Variants in LNP1 observed in about 807,000 individuals in gnomAD.
The protein encoded by LNP1 is leukemia NUP98 fusion partner 1.
In LNP1, 12 loss-of-function variants were observed where a neutral mutation model predicts 14.5. That is an observed-to-expected ratio of 0.83 (90% confidence interval 0.53 to 1.34). The LOEUF is 1.34. LNP1 is among the 40% of genes most tolerant of loss of function. LNP1 has a pLI of 0.00. For synonymous variants in LNP1, 75 were observed against 71.4 expected, an observed-to-expected ratio of 1.05 and a Z score of -0.26; for missense variants, 198 against 210.9, an observed-to-expected ratio of 0.94 and a Z score of 0.38.
chr3:100,444,462 A>G (rs561528785), intron 2 of LNP1, among the ~76,000 whole-genome samples: 55 of 152,340 alleles, frequency 3.6e-4, no homozygotes, highest in South Asian at 2.3e-3. Context: ...ATATTTGATA[A>G]TGCTTCCTGT....
At chr3:100,407,100 C>T (rs1706977348) in intron 1 of LNP1, among the ~76,000 whole-genome samples, 1 of 152,228 alleles carries the variant, frequency 6.6e-6, no homozygotes, top group Non-Finnish European at 1.5e-5. Context: ...GTGATTTACA[C>T]ACCCTCATTA....
At chr3:100,427,179 A>T (rs1327823565) in intron 1 of LNP1, among the ~76,000 whole-genome samples, 1 of 151,882 alleles carries the variant, frequency 6.6e-6, no homozygotes, top group Non-Finnish European at 1.5e-5. Flanking sequence ...AAACGTTAAA[A>T]GTTTGCATTG....
intron 1 of LNP1, among the ~76,000 whole-genome samples, chr3:100,413,662 C>T (rs905458011): frequency 1.3e-5 from 2 of 152,198 alleles, no homozygotes; most frequent in Non-Finnish European, 2.9e-5. Flanking sequence ...AGATTATGCT[C>T]ATGGTGCCCT....
intron 2 of LNP1, among the ~76,000 whole-genome samples, chr3:100,433,156 G>A (rs748194832): frequency 5.9e-5 from 9 of 152,062 alleles, no homozygotes; most frequent in Admixed American, 1.3e-4. Context: ...CTACCAACCC[G>A]TCATCTAGGT....
chr3:100,446,584 G>A (rs1283645162), intron 2 of LNP1, among the ~76,000 whole-genome samples: 1 of 152,144 alleles, frequency 6.6e-6, no homozygotes, highest in Non-Finnish European at 1.5e-5. Flanking sequence ...GGCAACAAAA[G>A]CCAAAATAGA....
chr3:100,410,935 TTGG>T (rs1408016551), intron 1 of LNP1, among the ~76,000 whole-genome samples: 3 of 152,052 alleles, frequency 2.0e-5, no homozygotes, highest in African/African-American at 7.2e-5. Context: ...CCTTCCAGTT[TTGG>T]TGGGTCAGGA....
Position 100,402,414 on chromosome 3 carries a change from A to G in LNP1, c.-59A>G, listed in dbSNP as rs1706919769. ...GAATGGCCTAATTGGAAAGAATTTC[A>G]GGATCACCGGTTTCTCCTGCTTCAT... On this transcript the variant is annotated 5_prime_UTR_variant, in exon 1 of 4. Transcript: ENST00000383693. 6.6e-6 allele frequency: 1 copy of G among 152,258 alleles called. No individual in the cohort carries two copies. Among genetic ancestry groups the G allele is most frequent in the South Asian group, 2.1e-4 (1 of 4,834 alleles). 9.4% of individuals were successfully genotyped at this position (152,258 alleles called of 1,614,324 possible).
intron 2 of LNP1, among the ~76,000 whole-genome samples, chr3:100,442,220 G>A (rs1707350547): frequency 6.6e-6 from 1 of 152,150 alleles, no homozygotes; most frequent in Non-Finnish European, 1.5e-5. Context: ...GTCTCAGGAT[G>A]TTCTACTTAA....
At position 100,442,895 on chromosome 3, in the gene LNP1, T is replaced by C. The variant is rs6806243; in HGVS notation, c.157-8824T>C. 2.4e-3 allele frequency among the ~76,000 whole-genome samples: 366 copies of C among 152,312 alleles called. 1 individual carries two copies. Among genetic ancestry groups the C allele is most frequent in the South Asian group, 5.8e-3 (28 of 4,824 alleles). On this transcript the variant is annotated intron_variant, in intron 2 of 3. Coordinates refer to ENST00000383693, the MANE Select transcript of LNP1 (RefSeq NM_001085451.2). ...TAGACAGGTAGGTCCTGAGTTGTTA[T>C]GCAGGCTCATTTTTAGCAAGTTGTG...
At chr3:100,423,568 T>C (rs1036614638) in intron 1 of LNP1, among the ~76,000 whole-genome samples, 1 of 152,162 alleles carries the variant, frequency 6.6e-6, no homozygotes, top group African/African-American at 2.4e-5. Flanking sequence ...GAGAAACCAC[T>C]TGACAGCCCA....
chr3:100,408,502 G>A (rs898932207), intron 1 of LNP1, among the ~76,000 whole-genome samples: 12 of 152,226 alleles, frequency 7.9e-5, no homozygotes, highest in African/African-American at 2.9e-4. Flanking sequence ...TCTGAAGCTT[G>A]CAGCCACTGA....
At chr3:100,444,647 T>C in intron 2 of LNP1, among the ~76,000 whole-genome samples, 1 of 152,226 alleles carries the variant, frequency 6.6e-6, no homozygotes, top group East Asian at 1.9e-4. Context: ...CAGGTCATTG[T>C]GAAATAAGTC....
chr3:100,452,790 A>G (rs1234600776), intron 3 of LNP1, among the ~76,000 whole-genome samples: 2 of 152,186 alleles, frequency 1.3e-5, no homozygotes, highest in Non-Finnish European at 2.9e-5. Flanking sequence ...CAGACATGAA[A>G]TAGGGGGAAG....
At chr3:100,439,165 A>T (rs1707319313) in intron 2 of LNP1, among the ~76,000 whole-genome samples, 2 of 152,158 alleles carry the variant, frequency 1.3e-5, no homozygotes, top group South Asian at 4.1e-4. Flanking sequence ...CTTAATGGAA[A>T]AGGACATTTG....
At position 100,441,697 on chromosome 3, in the gene LNP1, C is replaced by G. The variant is rs113099529; in HGVS notation, c.157-10022C>G. On this transcript the variant is annotated intron_variant, in intron 2 of 3. Coordinates refer to ENST00000383693, the MANE Select transcript of LNP1 (RefSeq NM_001085451.2). ...ACTTTTTTGGAGATGGAGTCTCACT[C>G]TGTTGCCCAGGCTGGAGCGCAGTGG... Among the ~76,000 whole-genome samples, 1,346 of 151,982 alleles carry G rather than the reference C, an allele frequency of 8.9e-3. 24 individuals are homozygous for G. Among genetic ancestry groups the G allele is most frequent in the African/African-American group, 0.031 (1,282 of 41,490 alleles).
intron 2 of LNP1, among the ~76,000 whole-genome samples, chr3:100,441,173 G>A (rs1707340400): frequency 6.6e-6 from 1 of 152,208 alleles, no homozygotes; most frequent in Non-Finnish European, 1.5e-5. Flanking sequence ...AAGATCAAAG[G>A]GAAAGCAGGA....
chr3:100,419,127 C>G (rs779611745), intron 1 of LNP1, among the ~76,000 whole-genome samples: 2 of 152,100 alleles, frequency 1.3e-5, no homozygotes, highest in Non-Finnish European at 1.5e-5. Context: ...GTAGAGCTGT[C>G]CATAGGTTTT....
chr3:100,450,902 T>TAG (rs146719329), intron 2 of LNP1, among the ~76,000 whole-genome samples: 126 of 151,816 alleles, frequency 8.3e-4, no homozygotes, highest in African/African-American at 2.4e-3. Context: ...AATAAATAAA[T>TAG]AGAGAGAGAG....
At chr3:100,418,946 C>G (rs761766850) in intron 1 of LNP1, among the ~76,000 whole-genome samples, 8 of 152,174 alleles carry the variant, frequency 5.3e-5, no homozygotes, top group Non-Finnish European at 1.2e-4. Flanking sequence ...AAACTATTGG[C>G]TATTTTGTGG....
Sources: gnomAD v4.1 joint callset for allele counts (sites outside exome capture counted in the v4.1 genomes callset) on GRCh38, gnomAD v4.1.1 for gene constraint, MANE v1.5 for transcripts, NCBI Gene and HGNC (gene_info 2026-07-23, HGNC 2026-07-21) for gene names.